SLC4A4: variants seen among roughly 807,000 people sequenced by gnomAD.
SLC4A4 encodes the protein electrogenic sodium bicarbonate cotransporter 1.
In SLC4A4, 27 loss-of-function variants were observed where a neutral mutation model predicts 111.5. The observed-to-expected ratio is 0.24, with a 90% CI of 0.18 to 0.33. The LOEUF (loss-of-function observed/expected upper bound fraction) is 0.33. Among genes scored for constraint, SLC4A4 ranks in the 10% least tolerant of loss-of-function variants. The pLI, the probability that SLC4A4 is intolerant of heterozygous loss-of-function variation, is 1.00. For synonymous variants in SLC4A4, 443 were observed against 463.4 expected, an observed-to-expected ratio of 0.96 and a Z score of 0.57; for missense variants, 909 against 1,315.5, an observed-to-expected ratio of 0.69 and a Z score of 4.78.
chr4:71,194,627 G>A (rs533251809), intron 1 of SLC4A4, among the ~76,000 whole-genome samples: 3 of 152,170 alleles, frequency 2.0e-5, no homozygotes, highest in East Asian at 1.9e-4. Context: ...TAACACACAC[G>A]ACTTGGAGAA....
At chr4:71,326,790 G>A (rs1334971675) in intron 3 of SLC4A4, among the ~76,000 whole-genome samples, 1 of 151,886 alleles carries the variant, frequency 6.6e-6, no homozygotes, top group Non-Finnish European at 1.5e-5. Flanking sequence ...TCTTTTTCTA[G>A]GGGAAACAAA....
intron 9 of SLC4A4, among the ~76,000 whole-genome samples, chr4:71,449,672 A>G (rs1725582530): frequency 6.6e-6 from 1 of 152,224 alleles, no homozygotes; most frequent in Non-Finnish European, 1.5e-5. Flanking sequence ...GAAGTATGAA[A>G]GACTTAGGTT....
At chr4:71,483,687 C>A (rs1350204006) in intron 14 of SLC4A4, among the ~76,000 whole-genome samples, 1 of 151,720 alleles carries the variant, frequency 6.6e-6, no homozygotes, top group Non-Finnish European at 1.5e-5. Flanking sequence ...GGGTATATAC[C>A]CAGTAATGGG....
intron 2 of SLC4A4, among the ~76,000 whole-genome samples, chr4:71,179,268 G>C (rs572329308): frequency 5.9e-5 from 9 of 152,186 alleles, no homozygotes; most frequent in East Asian, 3.9e-4. Context: ...GGCAAAAACT[G>C]GAAGCATTCC....
At chr4:71,091,094 C>T (rs189406108) in intron 1 of SLC4A4, among the ~76,000 whole-genome samples, 5 of 152,154 alleles carry the variant, frequency 3.3e-5, no homozygotes, top group East Asian at 3.9e-4. Flanking sequence ...ATTACAGTTG[C>T]GCACCACCAT....
chr4:71,549,542 C>T (rs1044594818), intron 20 of SLC4A4, among the ~76,000 whole-genome samples: 3 of 151,852 alleles, frequency 2.0e-5, no homozygotes, highest in Non-Finnish European at 4.4e-5. Context: ...TTCTAATTTA[C>T]TCATCGCCTC....
chr4:71,180,279 A>G (rs1201465094), intron 2 of SLC4A4, among the ~76,000 whole-genome samples: 1 of 152,248 alleles, frequency 6.6e-6, no homozygotes, highest in East Asian at 1.9e-4. Flanking sequence ...ACCATTCAGG[A>G]CATAGGCATG....
chr4:71,128,710 A>G (rs1177566510), intron 2 of SLC4A4, among the ~76,000 whole-genome samples: 1 of 152,138 alleles, frequency 6.6e-6, no homozygotes, highest in East Asian at 1.9e-4. Context: ...GCTGGTCTCA[A>G]GCTCCTAGAC....
chr4:71,108,906 T>C (rs191453694), intron 2 of SLC4A4, among the ~76,000 whole-genome samples: 135 of 152,274 alleles, frequency 8.9e-4, no homozygotes, highest in Non-Finnish European at 1.4e-3. Flanking sequence ...CTCCATGTCT[T>C]CCTTTAGTTC....
intron 1 of SLC4A4, chr4:71,236,190 G>T (rs1719791368): frequency 1.9e-6 from 2 of 1,055,532 alleles, no homozygotes; most frequent in Non-Finnish European, 2.3e-6. Flanking sequence ...TTCCACAAAC[G>T]ATCATCACGA....
At chr4:71,494,448 G>A (rs1578037673) in intron 15 of SLC4A4, among the ~76,000 whole-genome samples, 1 of 151,730 alleles carries the variant, frequency 6.6e-6, no homozygotes, top group East Asian at 2.0e-4. Flanking sequence ...AGAGTAGCTA[G>A]GACCACAGGC....
intron 1 of SLC4A4, among the ~76,000 whole-genome samples, chr4:71,216,301 C>G (rs1031202659): frequency 3.3e-5 from 5 of 152,098 alleles, no homozygotes; most frequent in African/African-American, 1.2e-4. Context: ...GCTTTCATTC[C>G]TCTGTCACTT....
intron 6 of SLC4A4, among the ~76,000 whole-genome samples, chr4:71,376,094 C>T (rs1015718547): frequency 7.6e-5 from 10 of 131,592 alleles, no homozygotes; most frequent in East Asian, 4.5e-4. Context: ...TACATATATA[C>T]GTGTGTATAT....
At chr4:71,500,365 A>G (rs1730799830) in intron 16 of SLC4A4, among the ~76,000 whole-genome samples, 1 of 152,192 alleles carries the variant, frequency 6.6e-6, no homozygotes, top group Non-Finnish European at 1.5e-5. Context: ...ATGATAGGTT[A>G]TTTGATATTA....
intron 20 of SLC4A4, among the ~76,000 whole-genome samples, chr4:71,553,676 C>T (rs1736229599): frequency 6.6e-6 from 1 of 151,560 alleles, no homozygotes; most frequent in South Asian, 2.1e-4. Context: ...TGCAATGATC[C>T]TTCTCTTAGT....
chr4:71,266,633 C>G (rs1722281882), intron 3 of SLC4A4, among the ~76,000 whole-genome samples: 1 of 151,786 alleles, frequency 6.6e-6, no homozygotes, highest in African/African-American at 2.4e-5. Flanking sequence ...TTTTTCTGGC[C>G]AGAAAGCCAA....
At chr4:71,071,042 G>A (rs532222048) in intron 1 of SLC4A4, among the ~76,000 whole-genome samples, 1 of 152,272 alleles carries the variant, frequency 6.6e-6, no homozygotes, top group South Asian at 2.1e-4. Flanking sequence ...ATGCCAAGGT[G>A]GGTGGATCAC....
intron 6 of SLC4A4, among the ~76,000 whole-genome samples, chr4:71,379,455 C>G (rs1047397021): frequency 6.6e-6 from 1 of 152,116 alleles, no homozygotes; most frequent in African/African-American, 2.4e-5. Context: ...TAACCTATCC[C>G]TAAAGCTCTT....
In SLC4A4 at chr4:71,397,598, G is replaced by A; in HGVS notation, c.752G>A (p.Arg251Lys). ...CCAGGTAGCCCAGCCATGACCCATA[G>A]GAATCTGACTTCCTCCAGTCTGAAT... is the stretch of plus-strand genomic sequence containing the variant. ...PDNGSPAMTH[R>K]NLTSSSLNDI... Residue 251 changes from arginine (R) to lysine (K), a missense_variant, in exon 7 of 26, where the codon AGG becomes AAG. By Grantham distance (26) the Arg-to-Lys change is conservative (BLOSUM62 2). This residue lies in a region of SLC4A4 where 312 missense variants were observed against 402.0 expected (regional missense o/e 0.78). Transcript: ENST00000264485. 6.2e-7 allele frequency: 1 copy of A among 1,613,966 alleles called. No individual in the cohort carries two copies. Among genetic ancestry groups the A allele is most frequent in the Non-Finnish European group, 8.5e-7 (1 of 1,179,898 alleles).
Sources: allele counts gnomAD v4.1 joint callset (sites outside exome capture counted in the v4.1 genomes callset), GRCh38; gene constraint gnomAD v4.1.1; regional missense constraint gnomAD v4.1.1; transcripts MANE v1.5; gene names NCBI Gene and HGNC (gene_info 2026-07-23, HGNC 2026-07-21).